Variants in KRABD5 observed in about 807,000 individuals in gnomAD.
KRABD5 encodes KRAB domain containing 5, also known as KRAB domain-containing protein 5.
At chr16:31,732,878 G>T in the KRABD5 span, among the ~76,000 whole-genome samples, 1 of 151,952 alleles carries the variant, frequency 6.6e-6, no homozygotes, top group East Asian at 1.9e-4. Context: ...GTTCTTCATG[G>T]GTGTACACAG....
the KRABD5 span, among the ~76,000 whole-genome samples, chr16:31,730,578 A>C: frequency 6.6e-6 from 1 of 152,018 alleles, no homozygotes; most frequent in Non-Finnish European, 1.5e-5. Flanking sequence ...GCTTTATGAA[A>C]CTTCTTGTTC....
chr16:31,713,749 C>A, the KRABD5 span, among the ~76,000 whole-genome samples: 380 of 152,256 alleles, frequency 2.5e-3, 2 homozygotes, highest in East Asian at 7.5e-3. Context: ...GCGTGTGATT[C>A]GTGTGTGGGA....
At chr16:31,722,335 G>C in the KRABD5 span, among the ~76,000 whole-genome samples, 25 of 152,174 alleles carry the variant, frequency 1.6e-4, no homozygotes, top group Non-Finnish European at 3.2e-4. Context: ...CCAAAGTGCT[G>C]AGATTACAGG....
At chr16:31,746,505 C>T in the KRABD5 span, among the ~76,000 whole-genome samples, 2 of 152,142 alleles carry the variant, frequency 1.3e-5, no homozygotes, top group African/African-American at 4.8e-5. Context: ...GATAGATTTC[C>T]CTTTTTAGGT....
chr16:31,759,310 A>C, the KRABD5 span: 1 of 1,525,608 alleles, frequency 6.6e-7, no homozygotes, highest in Non-Finnish European at 8.9e-7. Flanking sequence ...AATGAGAGAA[A>C]AGTTGGACAC....
the KRABD5 span, among the ~76,000 whole-genome samples, chr16:31,730,371 G>A: frequency 6.6e-6 from 1 of 151,624 alleles, no homozygotes; most frequent in Non-Finnish European, 1.5e-5. Context: ...TTTAATATAT[G>A]GTATCACTCC....
the KRABD5 span, chr16:31,759,534 G>C: frequency 9.9e-7 from 1 of 1,013,248 alleles, no homozygotes; most frequent in South Asian, 1.4e-5. Context: ...TGCAATGTAT[G>C]TACATCTTCA....
chr16:31,752,127 T>C, the KRABD5 span, among the ~76,000 whole-genome samples: 1 of 152,230 alleles, frequency 6.6e-6, no homozygotes, highest in Non-Finnish European at 1.5e-5. Context: ...GTATGACTGG[T>C]ATGATTTTTT....
the KRABD5 span, among the ~76,000 whole-genome samples, chr16:31,736,030 G>T: frequency 6.6e-6 from 1 of 152,060 alleles, no homozygotes; most frequent in South Asian, 2.1e-4. Context: ...TCATAGTTTA[G>T]GGCATTACAT....
the KRABD5 span, chr16:31,761,294 A>G: frequency 6.6e-6 from 1 of 152,150 alleles, no homozygotes; most frequent in East Asian, 1.9e-4. Flanking sequence ...TTACTGTTCT[A>G]GTGAAACAAT....
At chr16:31,724,285 T>A in the KRABD5 span, among the ~76,000 whole-genome samples, 1 of 152,170 alleles carries the variant, frequency 6.6e-6, no homozygotes, top group Non-Finnish European at 1.5e-5. Context: ...TGCATCCTGA[T>A]CGTTTGATTT....
At chr16:31,719,015 C>T in the KRABD5 span, among the ~76,000 whole-genome samples, 4 of 152,280 alleles carry the variant, frequency 2.6e-5, no homozygotes, top group African/African-American at 7.2e-5. Flanking sequence ...AATACGTGGA[C>T]GAAGAACAAA....
At chr16:31,738,321 G>A in the KRABD5 span, among the ~76,000 whole-genome samples, 1 of 151,976 alleles carries the variant, frequency 6.6e-6, no homozygotes, top group Non-Finnish European at 1.5e-5. Flanking sequence ...TGTACTGCTG[G>A]CTACTTATTG....
At chr16:31,717,983 T>A in the KRABD5 span, among the ~76,000 whole-genome samples, 1 of 152,172 alleles carries the variant, frequency 6.6e-6, no homozygotes. Context: ...GCTCTGTCTT[T>A]CCATGCCCCT....
chr16:31,728,762 T>C, the KRABD5 span, among the ~76,000 whole-genome samples: 10 of 152,348 alleles, frequency 6.6e-5, no homozygotes, highest in African/African-American at 2.2e-4. Flanking sequence ...CTTAGAAGAC[T>C]GTATTCTCAT....
At chr16:31,726,950 A>G in the KRABD5 span, among the ~76,000 whole-genome samples, 6 of 152,110 alleles carry the variant, frequency 3.9e-5, no homozygotes, top group Non-Finnish European at 8.8e-5. Flanking sequence ...GTCTTTTTCA[A>G]TTGTATTCAT....
chr16:31,723,181 T>G, the KRABD5 span: 1 of 1,461,424 alleles, frequency 6.8e-7, no homozygotes, highest in Non-Finnish European at 9.3e-7. Flanking sequence ...TAATGTTCCC[T>G]CTTTACTGAG....
the KRABD5 span, chr16:31,755,085 C>T: frequency 2.1e-6 from 1 of 484,042 alleles, no homozygotes; most frequent in African/African-American, 2.0e-5. Context: ...AAAGTGTCTT[C>T]AGCCCTTACT....
chr16:31,759,095 T>A, the KRABD5 span: 2 of 340,014 alleles, frequency 5.9e-6, no homozygotes. Context: ...AGAAGTGTAA[T>A]GTAAATGCTA....
Sources: gnomAD v4.1 joint callset for allele counts (sites outside exome capture counted in the v4.1 genomes callset) on GRCh38, gnomAD v4.1.1 for gene constraint, MANE v1.5 for transcripts, NCBI Gene and HGNC (gene_info 2026-07-23, HGNC 2026-07-21) for gene names.